Variants in HDX observed in about 807,000 individuals in gnomAD.
The protein encoded by HDX is chromosome X open reading frame 43.
HDX carries 19 observed loss-of-function variants against 45.2 expected under a neutral mutation model. The observed-to-expected ratio is 0.42, with a 90% CI of 0.29 to 0.62. The LOEUF (loss-of-function observed/expected upper bound fraction) is 0.62. Among genes scored for constraint, HDX ranks in the 20% least tolerant of loss-of-function variants. The probability of loss-of-function intolerance (pLI) is 0.20; values close to 1 mark genes in which losing one functional copy is unlikely to be tolerated. For synonymous variants in HDX, 188 were observed against 172.8 expected (o/e 1.09, Z -0.69); for missense variants, 532 against 493.9 (o/e 1.08, Z -0.73).
At chrX:84,350,641 T>TCAA (rs1440087793) in intron 6 of HDX, among the ~76,000 whole-genome samples, 1 of 111,738 alleles carries the variant, frequency 8.9e-6, no homozygotes, top group African/African-American at 3.2e-5. Context: ...TATTATTGTA[T>TCAA]CAACTCCTGC....
chrX:84,348,593 TTAAAAGAAC>T (rs762133549), intron 6 of HDX, among the ~76,000 whole-genome samples: 1 of 111,699 alleles, frequency 9.0e-6, no homozygotes, highest in African/African-American at 3.2e-5. Context: ...ATGTACTGGG[TTAAAAGAAC>T]TAAAAGAACT....
At chrX:84,441,304 A>G (rs2039756715) in intron 4 of HDX, among the ~76,000 whole-genome samples, 1 of 111,601 alleles carries the variant, frequency 9.0e-6, no homozygotes, top group Admixed American at 9.5e-5. Flanking sequence ...GATGTGCACT[A>G]TAAACTACTT....
chrX:84,371,928 T>G (rs1322708306), intron 5 of HDX, among the ~76,000 whole-genome samples: 1 of 111,987 alleles, frequency 8.9e-6, no homozygotes, highest in African/African-American at 3.2e-5. Flanking sequence ...CCTACAGTGA[T>G]TAGGCACCAG....
chrX:84,360,827 T>C (rs1427202244), intron 6 of HDX, among the ~76,000 whole-genome samples: 1 of 111,971 alleles, frequency 8.9e-6, no homozygotes, highest in Non-Finnish European at 1.9e-5. Flanking sequence ...TTGGTGGATG[T>C]TTGGGTTGTT....
At chrX:84,342,174 A>G (rs898352518) in intron 7 of HDX, among the ~76,000 whole-genome samples, 3 of 111,517 alleles carry the variant, frequency 2.7e-5, no homozygotes, top group Non-Finnish European at 5.7e-5. Context: ...GCCTGCTTGG[A>G]CAGCTCTACA....
intron 5 of HDX, among the ~76,000 whole-genome samples, chrX:84,423,394 T>A (rs1489808720): frequency 9.4e-6 from 1 of 106,883 alleles, no homozygotes; most frequent in Non-Finnish European, 1.9e-5. Context: ...CTACTTAAAC[T>A]ATTCCAAGAA....
At chrX:84,332,034 T>G (rs1199248342) in intron 9 of HDX, among the ~76,000 whole-genome samples, 1 of 111,454 alleles carries the variant, frequency 9.0e-6, no homozygotes, top group African/African-American at 3.3e-5. Flanking sequence ...AACACTAGTA[T>G]GTGTATATAA....
At chrX:84,406,642 G>A (rs1208028063) in intron 5 of HDX, among the ~76,000 whole-genome samples, 1 of 110,766 alleles carries the variant, frequency 9.0e-6, no homozygotes, top group East Asian at 2.8e-4. Flanking sequence ...AAATGTTCAA[G>A]ATATGAGATT....
At chrX:84,345,190 C>T (rs1488367786) in intron 6 of HDX, among the ~76,000 whole-genome samples, 3 of 111,342 alleles carry the variant, frequency 2.7e-5, no homozygotes, top group Admixed American at 9.6e-5. Context: ...TTATTCTTCA[C>T]TCCGTCTTCT....
chrX:84,419,436 G>A (rs1296398868), intron 5 of HDX, among the ~76,000 whole-genome samples: 2 of 112,042 alleles, frequency 1.8e-5, no homozygotes, highest in Non-Finnish European at 3.8e-5. Context: ...GCTATGGGCC[G>A]AGGATTCTTT....
intron 4 of HDX, among the ~76,000 whole-genome samples, chrX:84,465,907 G>A (rs978469879): frequency 7.7e-4 from 86 of 111,717 alleles, no homozygotes; most frequent in African/African-American, 2.5e-3. Context: ...ACACCTTGGA[G>A]GGTAAAACTC....
rs193212667 is a variant in HDX, at chrX:84,454,299, C to A, written c.1252-13714G>T. On this transcript the variant is annotated intron_variant, in intron 4 of 10. Coordinates refer to ENST00000373177, the MANE Select transcript of HDX (RefSeq NM_001177479.2). ...GGGTCCCCGATTCCAGGGCTTGGCT[C>A]TTGGATGGAATTTCTAGATGTGATC... 2.2e-4 allele frequency among the ~76,000 whole-genome samples: 25 copies of A among 111,491 alleles called. No homozygotes were observed. In the East Asian group the frequency reaches 7.1e-3, roughly 32 times the overall value.
intron 4 of HDX, among the ~76,000 whole-genome samples, chrX:84,441,703 T>C (rs910941399): frequency 1.8e-5 from 2 of 111,720 alleles, no homozygotes; most frequent in Non-Finnish European, 3.8e-5. Flanking sequence ...TGTTGCAATC[T>C]TGAGGAGATA....
At chrX:84,411,937 T>C (rs181721110) in intron 5 of HDX, among the ~76,000 whole-genome samples, 1 of 111,809 alleles carries the variant, frequency 8.9e-6, no homozygotes, top group Non-Finnish European at 1.9e-5. Flanking sequence ...TGTATTTTTT[T>C]ATCATTTTTG....
chrX:84,474,812 TAGAAAG>T (rs1187633930), intron 3 of HDX, among the ~76,000 whole-genome samples: 1 of 112,153 alleles, frequency 8.9e-6, no homozygotes, highest in African/African-American at 3.2e-5. Flanking sequence ...GCATTTTATT[TAGAAAG>T]AGAAAGTATT....
intron 5 of HDX, among the ~76,000 whole-genome samples, chrX:84,373,171 C>T (rs910187048): frequency 2.3e-4 from 26 of 111,267 alleles, no homozygotes; most frequent in Non-Finnish European, 4.0e-4. Flanking sequence ...ACATAGCAAA[C>T]AGGATGTGCC....
chrX:84,475,745 G>A (rs975993853), intron 2 of HDX, among the ~76,000 whole-genome samples: 11 of 112,034 alleles, frequency 9.8e-5, no homozygotes, highest in African/African-American at 3.2e-4. Flanking sequence ...AGTCAGAGAT[G>A]GTGGTAGCCA....
At chrX:84,416,879 G>A (rs1313260882) in intron 5 of HDX, among the ~76,000 whole-genome samples, 1 of 111,156 alleles carries the variant, frequency 9.0e-6, no homozygotes, top group African/African-American at 3.3e-5. Context: ...TCCTGGCCGG[G>A]CATGGTGGCT....
intron 2 of HDX, 148 bp from the exon 3 acceptor site, chrX:84,475,545 T>C (rs1260791268): frequency 4.9e-6 from 2 of 404,736 alleles, no homozygotes; most frequent in Non-Finnish European, 8.4e-6. Flanking sequence ...CAATAATTTG[T>C]GTGCTAAAGG....
Sources: allele counts gnomAD v4.1 joint callset (sites outside exome capture counted in the v4.1 genomes callset), GRCh38; gene constraint gnomAD v4.1.1; transcripts MANE v1.5; gene names NCBI Gene and HGNC (gene_info 2026-07-23, HGNC 2026-07-21).